Variants in KIAA1217 observed in about 807,000 individuals in gnomAD.
KIAA1217 encodes KIAA1217, also known as sickle tail protein homolog.
A neutral mutation model predicts 163.9 loss-of-function variants in KIAA1217; 88 were observed. The observed-to-expected ratio is 0.54, with a 90% CI of 0.45 to 0.64. The LOEUF (loss-of-function observed/expected upper bound fraction) is 0.64. Ranked by LOEUF, KIAA1217 falls within the 30% of genes least tolerant of loss-of-function variation. The pLI is 0.00. For missense variants in KIAA1217, 2,372 were observed against 2,475.0 expected (o/e 0.96, Z 0.88); for synonymous variants, 903 against 923.1 (o/e 0.98, Z 0.39).
intron 1 of KIAA1217, among the ~76,000 whole-genome samples, chr10:23,996,722 A>C (rs1317204475): frequency 6.6e-6 from 1 of 152,208 alleles, no homozygotes; most frequent in Non-Finnish European, 1.5e-5. Flanking sequence ...ATAAAATTTT[A>C]ATATATTTTA....
intron 2 of KIAA1217, among the ~76,000 whole-genome samples, chr10:24,339,655 T>C (rs2046815592): frequency 6.6e-6 from 1 of 152,258 alleles, no homozygotes; most frequent in African/African-American, 2.4e-5. Flanking sequence ...TCATTATCAC[T>C]GTTTTACAAG....
chr10:23,832,840 G>A (rs1276896775), intron 1 of KIAA1217, among the ~76,000 whole-genome samples: 2 of 152,086 alleles, frequency 1.3e-5, no homozygotes, highest in African/African-American at 2.4e-5. Context: ...GTTCCATGTG[G>A]CTGGGAAGGC....
intron 1 of KIAA1217, among the ~76,000 whole-genome samples, chr10:23,942,945 C>CAA (rs112348727): frequency 6.6e-4 from 67 of 100,832 alleles, no homozygotes; most frequent in African/African-American, 1.3e-3. Context: ...CTGTCTGTAC[C>CAA]AAAAAAAAAA....
At chr10:24,182,808 G>A (rs1201175325) in intron 2 of KIAA1217, among the ~76,000 whole-genome samples, 1 of 152,094 alleles carries the variant, frequency 6.6e-6, no homozygotes, top group African/African-American at 2.4e-5. Flanking sequence ...TGTTTGGAGA[G>A]GGATTTTAGG....
chr10:23,980,832 G>A (rs1845734127), intron 1 of KIAA1217, among the ~76,000 whole-genome samples: 1 of 152,092 alleles, frequency 6.6e-6, no homozygotes, highest in African/African-American at 2.4e-5. Context: ...TCTAATATCT[G>A]TTAAAACTTC....
intron 2 of KIAA1217, among the ~76,000 whole-genome samples, chr10:24,058,135 C>A (rs1240322505): frequency 6.6e-6 from 1 of 152,118 alleles, no homozygotes; most frequent in East Asian, 1.9e-4. Context: ...TTGCCAACAC[C>A]ATTTGTTGAA....
chr10:23,712,220 G>A (rs1837300643), intron 1 of KIAA1217, among the ~76,000 whole-genome samples: 2 of 152,088 alleles, frequency 1.3e-5, no homozygotes, highest in Non-Finnish European at 2.9e-5. Flanking sequence ...TGCAGTTTGA[G>A]GGTGGAAGGT....
intron 9 of KIAA1217, among the ~76,000 whole-genome samples, chr10:24,507,700 G>A (rs565566432): frequency 6.6e-6 from 1 of 152,256 alleles, no homozygotes; most frequent in South Asian, 2.1e-4. Flanking sequence ...AAAAGGTAAT[G>A]ACTGAATTTT....
chr10:24,033,063 CA>C lies in KIAA1217; in HGVS notation c.-171+25695del, dbSNP rs934234904. Among the ~76,000 whole-genome samples, 7 of 152,164 alleles carry C rather than the reference CA, an allele frequency of 4.6e-5. No individual in the cohort carries two copies. The South Asian group carries it at 1.0e-3, about 23-fold the overall frequency. Reference sequence around the variant, plus strand: ...AAGGGAGTATTTTGCAATAAAAACCCAAAAAAGTTCCTCTTGGCACTGACAA... The same window carrying C: ...AAGGGAGTATTTTGCAATAAAAACCCAAAAAGTTCCTCTTGGCACTGACAA... On this transcript the variant is annotated intron_variant, in intron 2 of 18. Transcript: ENST00000376462.
At chr10:24,539,338 C>T (rs1457682399) in intron 17 of KIAA1217, among the ~76,000 whole-genome samples, 13 of 152,104 alleles carry the variant, frequency 8.5e-5, no homozygotes, top group African/African-American at 2.4e-4. Flanking sequence ...AAGTGATTCT[C>T]GTGCCTCAGC....
chr10:23,997,983 C>CA (rs1846566579), intron 1 of KIAA1217, among the ~76,000 whole-genome samples: 1 of 147,062 alleles, frequency 6.8e-6, no homozygotes, highest in Non-Finnish European at 1.5e-5. Context: ...AGGGGGCTTT[C>CA]TTTTTTTTTT....
intron 2 of KIAA1217, among the ~76,000 whole-genome samples, chr10:24,364,093 C>T (rs1036964882): frequency 1.3e-5 from 2 of 151,992 alleles, no homozygotes; most frequent in Non-Finnish European, 2.9e-5. Flanking sequence ...ATTCTTCTGC[C>T]TCAGCCTCCT....
chr10:23,749,712 CT>C (rs1564389221), intron 1 of KIAA1217, among the ~76,000 whole-genome samples: 1 of 152,162 alleles, frequency 6.6e-6, no homozygotes, highest in African/African-American at 2.4e-5. Context: ...GCATTTTGAT[CT>C]TTTTTCTTTG....
chr10:24,192,275 G>A lies in KIAA1217; in HGVS notation c.-170-27351G>A, dbSNP rs190118786. Among the ~76,000 whole-genome samples, 27 of 152,266 alleles carry A rather than the reference G, an allele frequency of 1.8e-4. No homozygotes were observed. In the East Asian group the frequency reaches 5.2e-3, roughly 29 times the overall value. On this transcript the variant is annotated intron_variant, in intron 2 of 18. Transcript: ENST00000376462. The stretch of plus-strand genomic sequence containing the variant: ...ATTCTTTGTTCAGATTCTTCTCTAT[G>A]TCCCTGTGTCTTCAGAGACAAGGAT...
intron 1 of KIAA1217, among the ~76,000 whole-genome samples, chr10:23,973,733 T>A (rs954166692): frequency 6.6e-6 from 1 of 152,156 alleles, no homozygotes; most frequent in African/African-American, 2.4e-5. Flanking sequence ...AAACTGTGGT[T>A]CATGTTGAAT....
At chr10:24,345,470 G>A (rs2047614507) in intron 2 of KIAA1217, among the ~76,000 whole-genome samples, 1 of 152,116 alleles carries the variant, frequency 6.6e-6, no homozygotes, top group Admixed American at 6.5e-5. Context: ...AGATCTCAAG[G>A]AATCAAAACA....
chr10:23,725,024 C>T (rs543202939), intron 1 of KIAA1217, among the ~76,000 whole-genome samples: 1 of 152,284 alleles, frequency 6.6e-6, no homozygotes, highest in Non-Finnish European at 1.5e-5. Flanking sequence ...TCCCTACACC[C>T]AAAACTTTAT....
intron 1 of KIAA1217, among the ~76,000 whole-genome samples, chr10:23,957,281 C>A (rs1844609960): frequency 6.6e-6 from 1 of 152,168 alleles, no homozygotes; most frequent in Non-Finnish European, 1.5e-5. Context: ...TGCTGTCAGT[C>A]GTTTCCTCCA....
chr10:24,121,804 T>C (rs1158682148), intron 2 of KIAA1217, among the ~76,000 whole-genome samples: 1 of 152,160 alleles, frequency 6.6e-6, no homozygotes, highest in Non-Finnish European at 1.5e-5. Flanking sequence ...TTCTTTGTTT[T>C]TCTATTGTTT....
Sources: gnomAD v4.1 joint callset for allele counts (sites outside exome capture counted in the v4.1 genomes callset) on GRCh38, gnomAD v4.1.1 for gene constraint, MANE v1.5 for transcripts, NCBI Gene and HGNC (gene_info 2026-07-23, HGNC 2026-07-21) for gene names.